The following DSCAM variants were observed in gnomAD, a reference collection of about 807,000 sequenced individuals.
DSCAM encodes DS cell adhesion molecule, also known as cell adhesion molecule DSCAM.
DSCAM carries 47 observed loss-of-function variants against 217.7 expected under a neutral mutation model. That is an observed-to-expected ratio of 0.22 (90% CI 0.17 to 0.28). DSCAM has a LOEUF of 0.28. Among genes scored for constraint, DSCAM ranks in the 10% least tolerant of loss-of-function variants. The probability of loss-of-function intolerance (pLI) is 1.00; values close to 1 mark genes in which losing one functional copy is unlikely to be tolerated. For missense variants in DSCAM, 2,080 were observed against 2,618.3 expected, an observed-to-expected ratio of 0.79 and a Z score of 4.49; for synonymous variants, 1,056 against 1,015.3, an observed-to-expected ratio of 1.04 and a Z score of -0.76.
At chr21:40,845,635 G>A (rs1174720423) in intron 1 of DSCAM, among the ~76,000 whole-genome samples, 5 of 145,652 alleles carry the variant, frequency 3.4e-5, no homozygotes, top group Non-Finnish European at 6.0e-5. Context: ...CTCTCTTCTG[G>A]CTAGGGGATT....
intron 11 of DSCAM, among the ~76,000 whole-genome samples, chr21:40,257,747 T>G (rs2073393933): frequency 6.6e-6 from 1 of 152,134 alleles, no homozygotes; most frequent in Non-Finnish European, 1.5e-5. Context: ...AAACGTTAAT[T>G]TTTTTAATGC....
At chr21:40,506,292 C>T (rs12627298) in intron 3 of DSCAM, among the ~76,000 whole-genome samples, 2,864 of 152,228 alleles carry the variant, frequency 0.019, 37 homozygotes, top group South Asian at 0.053. Flanking sequence ...AATATTCTAG[C>T]AAATAAAATC....
chr21:40,807,057 A>G (rs985290390), intron 1 of DSCAM, among the ~76,000 whole-genome samples: 2 of 152,194 alleles, frequency 1.3e-5, no homozygotes, highest in Non-Finnish European at 2.9e-5. Flanking sequence ...GTGTATACCT[A>G]TGTAACAAAT....
At chr21:40,087,112 T>A in intron 22 of DSCAM, 58 bp downstream of exon 22, 1 of 1,274,088 alleles carries the variant, frequency 7.8e-7, no homozygotes. Context: ...ACAACCTGAG[T>A]ATGTCAGATG....
chr21:40,397,397 T>C (rs969032845), intron 3 of DSCAM, among the ~76,000 whole-genome samples: 4 of 151,970 alleles, frequency 2.6e-5, no homozygotes, highest in Non-Finnish European at 5.9e-5. Context: ...CCTCTCACTC[T>C]CTCCCTTGCT....
rs578012851 is a variant in DSCAM, at chr21:40,066,263, A to G, written c.4889-3364T>C. ...GAAGCTGCACAAAGATTTCCTGAGG[A>G]CACATTTAATTGTGAGAGACATCTT... is the stretch of plus-strand genomic sequence containing the variant. On this transcript the variant is annotated intron_variant, in intron 27 of 32. Transcript: ENST00000400454. Among the ~76,000 whole-genome samples the G allele has an allele frequency of 5.9e-5, 9 of 152,306 alleles. No homozygotes were observed. In the South Asian group the frequency reaches 1.9e-3, roughly 32 times the overall value.
At chr21:40,536,830 C>A (rs1296512699) in intron 3 of DSCAM, among the ~76,000 whole-genome samples, 2 of 152,132 alleles carry the variant, frequency 1.3e-5, no homozygotes, top group Admixed American at 1.3e-4. Flanking sequence ...AAAATTTTGG[C>A]AATGATTTCT....
At chr21:40,570,222 A>G (rs577118760) in intron 3 of DSCAM, among the ~76,000 whole-genome samples, 57 of 152,342 alleles carry the variant, frequency 3.7e-4, no homozygotes, top group African/African-American at 1.3e-3. Context: ...GTAAAGCACA[A>G]AGATTCAAAG....
At position 40,321,957 on chromosome 21, in the gene DSCAM, C is replaced by T. The variant is rs761107673; in HGVS notation, c.1784-9598G>A. Among the ~76,000 whole-genome samples the T allele has an allele frequency of 4.6e-5, 7 of 152,154 alleles. No individual in the cohort carries two copies. In the South Asian group the frequency reaches 1.2e-3, roughly 27 times the overall value. ...TTCTGCTTTTGGAAACCGTTTCAGG[C>T]GCTAGACCCTTTTGAGATTCAACTC... is the stretch of plus-strand genomic sequence containing the variant. On this transcript the variant is annotated intron_variant, in intron 8 of 32. Coordinates refer to ENST00000400454, the MANE Select transcript of DSCAM (RefSeq NM_001389.5).
intron 3 of DSCAM, among the ~76,000 whole-genome samples, chr21:40,680,464 G>C (rs371929541): frequency 1.8e-4 from 28 of 152,216 alleles, no homozygotes; most frequent in African/African-American, 6.8e-4. Context: ...GCTCCTCTGA[G>C]TGCAAACCCA....
intron 15 of DSCAM, among the ~76,000 whole-genome samples, chr21:40,170,107 C>T (rs776571511): frequency 3.3e-5 from 5 of 152,230 alleles, no homozygotes; most frequent in Non-Finnish European, 7.3e-5. Flanking sequence ...ACTCCCTATG[C>T]ACCCTGTGTC....
chr21:40,118,329 A>G (rs1038814240), intron 20 of DSCAM, among the ~76,000 whole-genome samples: 3 of 152,100 alleles, frequency 2.0e-5, no homozygotes, highest in African/African-American at 7.2e-5. Context: ...AAGGAGATTA[A>G]GAAGACATTG....
At chr21:40,176,156 G>C (rs141278416) in intron 15 of DSCAM, among the ~76,000 whole-genome samples, 2 of 152,216 alleles carry the variant, frequency 1.3e-5, no homozygotes, top group Admixed American at 1.3e-4. Context: ...AGGCATTCTT[G>C]AACTTGACTT....
intron 11 of DSCAM, among the ~76,000 whole-genome samples, chr21:40,237,687 G>A (rs765033506): frequency 6.6e-6 from 1 of 152,174 alleles, no homozygotes; most frequent in Non-Finnish European, 1.5e-5. Flanking sequence ...ATGTGCATGT[G>A]TCTTTATAGT....
intron 30 of DSCAM, among the ~76,000 whole-genome samples, chr21:40,049,047 A>C (rs1056370892): frequency 2.6e-5 from 4 of 152,186 alleles, no homozygotes; most frequent in African/African-American, 9.7e-5. Flanking sequence ...CAATTTGGAG[A>C]GTGAGGGGGG....
intron 20 of DSCAM, among the ~76,000 whole-genome samples, chr21:40,113,457 T>C: frequency 6.6e-6 from 1 of 152,176 alleles, no homozygotes; most frequent in Non-Finnish European, 1.5e-5. Flanking sequence ...GCCAATATCA[T>C]ACTGAATGGG....
rs149249099 is a variant in DSCAM at position 40,463,524 on chromosome 21, C to G, written c.509-94279G>C. On this transcript the variant is annotated intron_variant, in intron 3 of 32. Transcript: ENST00000400454. Reference sequence around the variant, plus strand: ...ATCAGCAGCATAGGCTCTGATCATCCCCACTTTCCCCAGGTCTTAACTGAA... The same window carrying G: ...ATCAGCAGCATAGGCTCTGATCATCGCCACTTTCCCCAGGTCTTAACTGAA... 2.4e-3 allele frequency among the ~76,000 whole-genome samples: 368 copies of G among 152,262 alleles called. 2 individuals carry two copies. The highest frequency in any genetic ancestry group is 4.4e-3 in the Non-Finnish European group (296 of 68,024).
At chr21:40,576,866 T>TAA (rs2076854982) in intron 3 of DSCAM, among the ~76,000 whole-genome samples, 3 of 152,034 alleles carry the variant, frequency 2.0e-5, no homozygotes, top group Non-Finnish European at 4.4e-5. Context: ...TATCTTTTTA[T>TAA]ACCTTTGCAT....
intron 8 of DSCAM, among the ~76,000 whole-genome samples, chr21:40,315,596 T>C (rs2837570): frequency 0.41 from 62,768 of 152,000 alleles, 14,109 homozygotes; most frequent in South Asian, 0.56. Context: ...CTGTGTTTTC[T>C]ATAATTCCAA....
Sources: allele counts gnomAD v4.1 joint callset (sites outside exome capture counted in the v4.1 genomes callset), GRCh38; gene constraint gnomAD v4.1.1; transcripts MANE v1.5; gene names NCBI Gene and HGNC (gene_info 2026-07-23, HGNC 2026-07-21).